The following DPYD variants were observed in gnomAD, a reference collection of about 807,000 sequenced individuals.
DPYD encodes the protein dihydropyrimidine dehydrogenase [NADP(+)].
Under a neutral mutation model 116.2 loss-of-function variants are expected in DPYD, and 109 were observed. The ratio of observed to expected loss-of-function variants is 0.94; its 90% CI spans 0.80 to 1.10. The LOEUF is 1.10. Ranked by LOEUF, DPYD falls within the 50% of genes least tolerant of loss-of-function variation. The pLI, the probability that DPYD is intolerant of heterozygous loss-of-function variation, is 0.00. For missense variants in DPYD, 1,302 were observed against 1,254.5 expected, an observed-to-expected ratio of 1.04 and a Z score of -0.57; for synonymous variants, 440 against 432.0, an observed-to-expected ratio of 1.02 and a Z score of -0.23.
intron 3 of DPYD, among the ~76,000 whole-genome samples, chr1:97,811,998 AC>A (rs2101393354): frequency 6.6e-6 from 1 of 152,304 alleles, no homozygotes; most frequent in African/African-American, 2.4e-5. Flanking sequence ...TCTGGTGATA[AC>A]TTCTTTCTTT....
At chr1:97,752,010 C>T (rs746887541) in intron 3 of DPYD, among the ~76,000 whole-genome samples, 1 of 152,102 alleles carries the variant, frequency 6.6e-6, no homozygotes, top group Non-Finnish European at 1.5e-5. Flanking sequence ...CCGCCCACCT[C>T]AGCCTCCCAA....
At chr1:97,334,093 G>A (rs1669166527) in intron 16 of DPYD, among the ~76,000 whole-genome samples, 1 of 152,110 alleles carries the variant, frequency 6.6e-6, no homozygotes, top group African/African-American at 2.4e-5. Context: ...ATTTTATGAG[G>A]AAAATTATAT....
At chr1:97,391,121 C>T (rs1672678791) in intron 14 of DPYD, among the ~76,000 whole-genome samples, 2 of 149,202 alleles carry the variant, frequency 1.3e-5, no homozygotes, top group African/African-American at 2.5e-5. Flanking sequence ...CCAGAGTCCA[C>T]TCACAGTCCT....
chr1:97,218,503 C>T (rs2101887386), intron 19 of DPYD, among the ~76,000 whole-genome samples: 1 of 151,438 alleles, frequency 6.6e-6, no homozygotes, highest in East Asian at 1.9e-4. Flanking sequence ...TGGAGTCATT[C>T]CCGTCTAGCT....
At chr1:97,156,335 C>T (rs1012757522) in intron 20 of DPYD, among the ~76,000 whole-genome samples, 5 of 152,070 alleles carry the variant, frequency 3.3e-5, no homozygotes, top group African/African-American at 1.2e-4. Flanking sequence ...AGGCAACCTA[C>T]AAAATGGGAG....
rs547222643 is a variant in DPYD, at chr1:97,578,558, C to T, written c.1129-4588G>A. Among the ~76,000 whole-genome samples, 3 of 152,246 alleles carry T rather than the reference C, an allele frequency of 2.0e-5. No individual in the cohort carries two copies. The South Asian group carries it at 6.2e-4, about 32-fold the overall frequency. On this transcript the variant is annotated intron_variant, in intron 10 of 22. Transcript: ENST00000370192. ...AAAAATACACTAAGGGATGAAAAAA[C>T]TTATCTGAAATTAGGATCTGGCTGA...
intron 12 of DPYD, chr1:97,546,374 A>G: frequency 2.8e-6 from 4 of 1,444,658 alleles, no homozygotes; most frequent in Non-Finnish European, 2.9e-6. Flanking sequence ...GTAAAGGAAG[A>G]TGAAGAAGAA....
At chr1:97,710,314 C>G (rs1490746165) in intron 5 of DPYD, among the ~76,000 whole-genome samples, 1 of 151,660 alleles carries the variant, frequency 6.6e-6, no homozygotes, top group Non-Finnish European at 1.5e-5. Context: ...ATGTAATTTT[C>G]TTTGTTGTTT....
At chr1:97,667,307 T>C (rs1659619547) in intron 8 of DPYD, among the ~76,000 whole-genome samples, 1 of 152,146 alleles carries the variant, frequency 6.6e-6, no homozygotes, top group Non-Finnish European at 1.5e-5. Context: ...CCCTTTGGCA[T>C]ATAATCTAAT....
At chr1:97,159,614 A>T (rs1655738448) in intron 20 of DPYD, among the ~76,000 whole-genome samples, 1 of 152,062 alleles carries the variant, frequency 6.6e-6, no homozygotes, top group South Asian at 2.1e-4. Flanking sequence ...AAGGTAGATA[A>T]ATAAAGGTTT....
chr1:97,432,294 T>G (rs1245529100), intron 14 of DPYD, among the ~76,000 whole-genome samples: 1 of 152,142 alleles, frequency 6.6e-6, no homozygotes, highest in African/African-American at 2.4e-5. Context: ...CCCATACTGC[T>G]TTCCATAGTG....
intron 8 of DPYD, among the ~76,000 whole-genome samples, chr1:97,599,862 A>T (rs1655136210): frequency 1.1e-4 from 1 of 8,766 alleles, no homozygotes; most frequent in Non-Finnish European, 2.6e-4. Flanking sequence ...CATCTCCACA[A>T]AAAAAAAAAA....
At chr1:97,597,973 T>C (rs1049407113) in intron 8 of DPYD, among the ~76,000 whole-genome samples, 1 of 152,068 alleles carries the variant, frequency 6.6e-6, no homozygotes, top group African/African-American at 2.4e-5. Flanking sequence ...GTTAAAAAAA[T>C]TACAAAATTA....
chr1:97,574,714 A>G (rs1653147882), intron 10 of DPYD, among the ~76,000 whole-genome samples: 1 of 152,090 alleles, frequency 6.6e-6, no homozygotes, highest in South Asian at 2.1e-4. Context: ...TTATTTTTCC[A>G]TTAATTGTTT....
intron 3 of DPYD, among the ~76,000 whole-genome samples, chr1:97,805,871 G>C (rs1443627493): frequency 6.6e-6 from 1 of 151,700 alleles, no homozygotes; most frequent in South Asian, 2.1e-4. Context: ...GAGGTTTGTG[G>C]GAGGCTAAAA....
At chr1:97,424,154 T>G (rs1248010222) in intron 14 of DPYD, among the ~76,000 whole-genome samples, 4 of 152,020 alleles carry the variant, frequency 2.6e-5, no homozygotes, top group African/African-American at 9.7e-5. Flanking sequence ...TGTTCATAAG[T>G]TTAATAAAAA....
chr1:97,807,783 T>A (rs1668142703), intron 3 of DPYD, among the ~76,000 whole-genome samples: 2 of 152,140 alleles, frequency 1.3e-5, no homozygotes, highest in African/African-American at 4.8e-5. Context: ...TCTATTTAGT[T>A]CTACACTTCA....
chr1:97,299,275 T>C (rs1180586835), intron 18 of DPYD, among the ~76,000 whole-genome samples: 1 of 152,126 alleles, frequency 6.6e-6, no homozygotes, highest in Non-Finnish European at 1.5e-5. Flanking sequence ...GAAATCATTC[T>C]TTATGAAAAA....
intron 2 of DPYD, among the ~76,000 whole-genome samples, chr1:97,867,062 C>G (rs1671420621): frequency 6.6e-6 from 1 of 151,436 alleles, no homozygotes; most frequent in African/African-American, 2.4e-5. Flanking sequence ...TTTTTAATGT[C>G]TGAGGACAAG....
Sources: allele counts gnomAD v4.1 joint callset (sites outside exome capture counted in the v4.1 genomes callset), GRCh38; gene constraint gnomAD v4.1.1; transcripts MANE v1.5; gene names NCBI Gene and HGNC (gene_info 2026-07-23, HGNC 2026-07-21).